Variants in GABBR2 observed in about 807,000 individuals in gnomAD.
GABBR2 encodes the protein G-protein coupled receptor 51.
In GABBR2, 23 loss-of-function variants were observed where a neutral mutation model predicts 105.6. That is an observed-to-expected ratio of 0.22 (90% CI 0.16 to 0.31). The LOEUF (loss-of-function observed/expected upper bound fraction) is 0.31, where lower values mean the gene tolerates loss of function less well. GABBR2 is among the 10% of genes least tolerant of loss of function. The pLI, the probability that GABBR2 is intolerant of heterozygous loss-of-function variation, is 1.00. For synonymous variants in GABBR2, 478 were observed against 499.7 expected (o/e 0.96, Z 0.58); for missense variants, 734 against 1,245.5 (o/e 0.59, Z 6.18).
chr9:98,679,690 G>A (rs753908728), intron 1 of GABBR2, among the ~76,000 whole-genome samples: 1 of 152,148 alleles, frequency 6.6e-6, no homozygotes, highest in Non-Finnish European at 1.5e-5. Context: ...AAAACCTAGG[G>A]AAGTCACTCT....
At chr9:98,517,010 C>A (rs1196649976) in intron 3 of GABBR2, among the ~76,000 whole-genome samples, 1 of 152,236 alleles carries the variant, frequency 6.6e-6, no homozygotes, top group Non-Finnish European at 1.5e-5. Context: ...GTGCTCCAGT[C>A]TGAGTGGCCC....
At chr9:98,324,218 G>A (rs886067178) in intron 13 of GABBR2, among the ~76,000 whole-genome samples, 4 of 152,202 alleles carry the variant, frequency 2.6e-5, no homozygotes, top group Admixed American at 6.5e-5. Context: ...AAGGCAGGCT[G>A]CTGCCTGGAT....
intron 1 of GABBR2, among the ~76,000 whole-genome samples, chr9:98,690,982 A>T (rs1830675702): frequency 6.6e-6 from 1 of 152,170 alleles, no homozygotes; most frequent in South Asian, 2.1e-4. Flanking sequence ...GATCACTGCT[A>T]CTCACTGCTT....
Position 98,371,539 on chromosome 9 carries a change from C to T in GABBR2, c.1695G>A (p.Thr565=), listed in dbSNP as rs761993188. The T allele has an allele frequency of 1.4e-5, 22 of 1,611,402 alleles. No individual in the cohort carries two copies. Among genetic ancestry groups the T allele is most frequent in the East Asian group, 1.3e-4 (6 of 44,888 alleles). ...VRTWILTVGY[T]TAFGAMFAKT... Reference sequence around the variant, plus strand: ...TTGCAAACATGGCCCCAAAAGCGGTCGTGTAGCCCACGGTGAGAATCCAGG... The same window carrying T: ...TTGCAAACATGGCCCCAAAAGCGGTTGTGTAGCCCACGGTGAGAATCCAGG... The change falls in exon 12 of 19, where the codon ACG becomes ACA. Residue 565 remains threonine, a synonymous_variant. Transcript: ENST00000259455.
chr9:98,594,271 T>A (rs1999499), intron 1 of GABBR2, among the ~76,000 whole-genome samples: 108,032 of 152,148 alleles, frequency 0.71, 38,387 homozygotes, highest in East Asian at 0.78. Context: ...CCAGGACTCA[T>A]TTCTGGCCCG....
intron 3 of GABBR2, among the ~76,000 whole-genome samples, chr9:98,509,314 T>C (rs1218510171): frequency 2.0e-5 from 3 of 151,590 alleles, no homozygotes; most frequent in Non-Finnish European, 4.4e-5. Flanking sequence ...ACCACAAAGA[T>C]GGGAAAAAAA....
At chr9:98,534,337 G>C (rs1828126366) in intron 3 of GABBR2, among the ~76,000 whole-genome samples, 1 of 151,984 alleles carries the variant, frequency 6.6e-6, no homozygotes, top group Admixed American at 6.6e-5. Context: ...TTGGAGCTTG[G>C]AGCTTGGAGG....
At chr9:98,365,786 TAA>T (rs1192407567) in intron 12 of GABBR2, among the ~76,000 whole-genome samples, 3 of 150,516 alleles carry the variant, frequency 2.0e-5, no homozygotes, top group Admixed American at 2.0e-4. Flanking sequence ...AGAGGTGATT[TAA>T]AATAATCTTA....
chr9:98,527,106 AT>A (rs35659232), intron 3 of GABBR2, among the ~76,000 whole-genome samples: 295 of 146,822 alleles, frequency 2.0e-3, no homozygotes, highest in South Asian at 9.5e-3. Flanking sequence ...TAATATATAT[AT>A]TATATATATA....
intron 1 of GABBR2, among the ~76,000 whole-genome samples, chr9:98,585,566 C>CACCA (rs1223972718): frequency 6.6e-6 from 1 of 151,450 alleles, no homozygotes; most frequent in African/African-American, 2.4e-5. Flanking sequence ...GGGTGCAGCA[C>CACCA]ACCAACATGG....
chr9:98,558,476 G>A (rs1487000470), intron 2 of GABBR2, among the ~76,000 whole-genome samples: 3 of 152,140 alleles, frequency 2.0e-5, no homozygotes, highest in East Asian at 3.8e-4. Context: ...TGCCATTCTG[G>A]GCTTGTCCAA....
At chr9:98,513,534 T>C (rs1211153025) in intron 3 of GABBR2, among the ~76,000 whole-genome samples, 3 of 151,098 alleles carry the variant, frequency 2.0e-5, no homozygotes, top group Non-Finnish European at 4.4e-5. Context: ...ATCCAGAATC[T>C]ACAATGAACT....
chr9:98,648,109 G>A (rs1270545897), intron 1 of GABBR2, among the ~76,000 whole-genome samples: 43 of 56,040 alleles, frequency 7.7e-4, no homozygotes, highest in Non-Finnish European at 1.1e-3. Flanking sequence ...GTGTGTGTGT[G>A]TGTGTGTATA....
intron 1 of GABBR2, among the ~76,000 whole-genome samples, chr9:98,591,153 T>C (rs1829140298): frequency 6.6e-6 from 1 of 152,206 alleles, no homozygotes. Flanking sequence ...TGAGATATTC[T>C]GCCAAGACTT....
chr9:98,661,990 C>T (rs1243011725), intron 1 of GABBR2, among the ~76,000 whole-genome samples: 3 of 152,270 alleles, frequency 2.0e-5, no homozygotes, highest in East Asian at 3.9e-4. Flanking sequence ...CAACTTCTCC[C>T]ACTTCAGTTC....
intron 6 of GABBR2, among the ~76,000 whole-genome samples, chr9:98,466,572 G>A (rs1826561294): frequency 6.6e-6 from 1 of 152,196 alleles, no homozygotes; most frequent in Non-Finnish European, 1.5e-5. Flanking sequence ...TGAAAAGGAA[G>A]AGAATTAATA....
chr9:98,459,402 G>A (rs553523148), intron 6 of GABBR2, among the ~76,000 whole-genome samples: 52 of 152,138 alleles, frequency 3.4e-4, no homozygotes, highest in Non-Finnish European at 7.1e-4. Flanking sequence ...TTCCTTTTGA[G>A]GCATTTTCTG....
At chr9:98,643,895 A>C (rs1003802690) in intron 1 of GABBR2, among the ~76,000 whole-genome samples, 2 of 152,196 alleles carry the variant, frequency 1.3e-5, no homozygotes, top group East Asian at 3.9e-4. Flanking sequence ...ACACCCAGGA[A>C]GGGAAGGGAC....
At chr9:98,608,457 A>G (rs548916100) in intron 1 of GABBR2, among the ~76,000 whole-genome samples, 1 of 152,342 alleles carries the variant, frequency 6.6e-6, no homozygotes, top group Admixed American at 6.5e-5. Context: ...GATTGTTTAC[A>G]AGATATTCCA....
Sources: allele counts gnomAD v4.1 joint callset (sites outside exome capture counted in the v4.1 genomes callset), GRCh38; gene constraint gnomAD v4.1.1; transcripts MANE v1.5; gene names NCBI Gene and HGNC (gene_info 2026-07-23, HGNC 2026-07-21).